Variants in TMEM14C observed in about 807,000 individuals in gnomAD.
TMEM14C encodes the protein chromosome 6 open reading frame 53.
Under a neutral mutation model 14.8 loss-of-function variants are expected in TMEM14C, and 13 were observed. That is an observed-to-expected ratio of 0.88 (90% CI 0.57 to 1.40). TMEM14C has a LOEUF of 1.40. TMEM14C is among the 40% of genes most tolerant of loss of function. The pLI is 0.00. For synonymous variants in TMEM14C, 57 were observed against 51.3 expected, an observed-to-expected ratio of 1.11 and a Z score of -0.48; for missense variants, 142 against 138.8, an observed-to-expected ratio of 1.02 and a Z score of -0.12.
chr6:10,726,729 A>G (rs1269487677), intron 4 of TMEM14C, among the ~76,000 whole-genome samples: 1 of 152,200 alleles, frequency 6.6e-6, no homozygotes, highest in African/African-American at 2.4e-5. Flanking sequence ...AGGACTGGAA[A>G]GGTACCCTGT....
At chr6:10,726,810 T>G (rs950024902) in intron 4 of TMEM14C, among the ~76,000 whole-genome samples, 1 of 152,214 alleles carries the variant, frequency 6.6e-6, no homozygotes. Flanking sequence ...TCAGTACATT[T>G]CTGTGGGGCT....
chr6:10,723,845 C>T (rs1299977998), intron 1 of TMEM14C, among the ~76,000 whole-genome samples: 2 of 152,156 alleles, frequency 1.3e-5, no homozygotes, highest in African/African-American at 4.8e-5. Flanking sequence ...CCCAGGTGAT[C>T]CGCCCGCCTC....
At chr6:10,724,815 A>T in intron 2 of TMEM14C, 146 bp from the exon 3 acceptor site, 1 of 1,307,762 alleles carries the variant, frequency 7.6e-7, no homozygotes, top group Non-Finnish European at 1.1e-6. Context: ...GAGTTGTGTG[A>T]CTCTCAGAAA....
At position 10,728,683 on chromosome 6, in the gene TMEM14C, C is replaced by T; in HGVS notation, c.243C>T (p.Tyr81=). 1 of 1,614,194 alleles carries T rather than the reference C, an allele frequency of 6.2e-7. No homozygotes were observed. The highest frequency in any genetic ancestry group is 8.5e-7 in the Non-Finnish European group (1 of 1,180,040). ...TLAGIMGMRF[Y]HSGKFMPAGL... ...CTGGCATTATGGGAATGAGGTTCTACCACTCTGGAAAATTCATGCCTGCAG... is the reference window on the plus strand; with the variant it reads ...CTGGCATTATGGGAATGAGGTTCTATCACTCTGGAAAATTCATGCCTGCAG... Residue 81 remains tyrosine (Y), a synonymous_variant, in exon 5 of 6, where the codon TAC becomes TAT. Transcript: ENST00000229563.
chr6:10,730,419 A>G (rs1315760637), intron 5 of TMEM14C, among the ~76,000 whole-genome samples, 196 bp from the exon 6 acceptor site: 2 of 152,222 alleles, frequency 1.3e-5, no homozygotes, highest in Admixed American at 6.5e-5. Flanking sequence ...GATCCAGCTC[A>G]TGTGTGCTAT....
Position 10,731,102 on chromosome 6 carries a change from A to G in TMEM14C, c.*436A>G, listed in dbSNP as rs1396679111. 1 of 984,628 alleles carries G rather than the reference A, an allele frequency of 1.0e-6. No individual in the cohort carries two copies. The highest frequency in any genetic ancestry group is 1.2e-6 in the Non-Finnish European group (1 of 829,194). The allele number at this position is 984,628 out of a possible 1,614,324, so 61.0% of individuals were successfully genotyped here. A position where few individuals can be genotyped will look rare whatever the true frequency, so the allele number is the denominator to read the frequency against. On this transcript the variant is annotated 3_prime_UTR_variant, in exon 6 of 6. Transcript: ENST00000229563. Reference sequence around the variant, plus strand: ...TGAAATTATGTTAAGTGAAATATCAATGAAAATAAAGTTTACTATAAATAA... The same window carrying G: ...TGAAATTATGTTAAGTGAAATATCAGTGAAAATAAAGTTTACTATAAATAA...
rs746715611 is a variant in TMEM14C at position 10,730,645 on chromosome 6, T to C, written c.318T>C (p.Ser106=). 1 of 1,612,386 alleles carries C rather than the reference T, an allele frequency of 6.2e-7. No homozygotes were observed. The highest frequency in any genetic ancestry group is 1.1e-5 in the South Asian group (1 of 90,950). Residue 106 remains serine (S), a synonymous_variant, in exon 6 of 6, where the codon AGT becomes AGC. Coordinates refer to ENST00000229563, the MANE Select transcript of TMEM14C (RefSeq NM_016462.4). The part of the protein sequence containing the change: ...SLLMVAKVGV[S]MFNRPH ...TGATGGTCGCCAAAGTTGGAGTTAG[T>C]ATGTTCAACAGACCCCATTAGCAGA...
At chr6:10,725,804 A>T in intron 3 of TMEM14C, 103 bp from the exon 4 acceptor site, 1 of 1,403,314 alleles carries the variant, frequency 7.1e-7, no homozygotes, top group Non-Finnish European at 9.9e-7. Context: ...CTGTGTTGAG[A>T]GTTCTCTGTG....
In TMEM14C at chr6:10,723,986, T is replaced by C. The variant is rs148940830; in HGVS notation, c.-44-584T>C. Among the ~76,000 whole-genome samples, 1,272 of 152,222 alleles carry C rather than the reference T, an allele frequency of 8.4e-3. 17 individuals are homozygous for C. Among genetic ancestry groups the C allele is most frequent in the African/African-American group, 0.028 (1,163 of 41,528 alleles). ...ACACAGGATACTTTCTGTAAGAAAA[T>C]AGAAGCTGTTTTTCCAAGGGTGTAG... On this transcript the variant is annotated intron_variant, in intron 1 of 5. Transcript: ENST00000229563.
intron 4 of TMEM14C, among the ~76,000 whole-genome samples, chr6:10,727,235 C>G (rs571993307): frequency 2.6e-5 from 4 of 152,244 alleles, no homozygotes; most frequent in Admixed American, 6.5e-5. Context: ...TCTCCCTGAT[C>G]TTCTCCAGAC....
At position 10,723,591 on chromosome 6, in the gene TMEM14C, A is replaced by ATTTT. The variant is rs1192658275; in HGVS notation, c.-45+352_-45+353insTTTT. ...CCCTTCCCTGTTTTATGGAAACTTA[A>ATTTT]TTCTTTTTTTTTTTTTTTTTGTCCT... On this transcript the variant is annotated intron_variant, in intron 1 of 5. Transcript: ENST00000229563. Among the ~76,000 whole-genome samples, 423 of 97,928 alleles carry ATTTT rather than the reference A, an allele frequency of 4.3e-3. 3 individuals are homozygous for ATTTT. Among genetic ancestry groups the ATTTT allele is most frequent in the African/African-American group, 0.019 (403 of 20,856 alleles). The allele number at this position is 97,928 out of a possible 152,430, so 64.2% of individuals were successfully genotyped here.
intron 5 of TMEM14C, among the ~76,000 whole-genome samples, chr6:10,730,410 A>G (rs570899338): frequency 1.3e-4 from 20 of 152,218 alleles, no homozygotes; most frequent in Admixed American, 3.9e-4. Context: ...TTGGGTTAGG[A>G]TCCAGCTCAT....
In TMEM14C at chr6:10,724,880, T is replaced by C; in HGVS notation, c.21-81T>C. On this transcript the variant is annotated intron_variant, in intron 2 of 5. Transcript: ENST00000229563. ...AGTGATAGGACCTGTGGGGAATGAT[T>C]ACCTTTTAGTCCCATCCTATGACAG... is the stretch of plus-strand genomic sequence containing the variant. 3.9e-6 allele frequency: 6 copies of C among 1,533,048 alleles called. No individual in the cohort carries two copies. The South Asian group carries it at 6.7e-5, about 17-fold the overall frequency. The allele number at this position is 1,533,048 out of a possible 1,614,324, so 95.0% of individuals were successfully genotyped here.
At chr6:10,726,666 G>C (rs1186781105) in intron 4 of TMEM14C, among the ~76,000 whole-genome samples, 3 of 152,194 alleles carry the variant, frequency 2.0e-5, no homozygotes, top group Non-Finnish European at 4.4e-5. Flanking sequence ...ACTCCAGCCT[G>C]GGCGACAGAG....
At chr6:10,730,428 A>G (rs1056150982) in intron 5 of TMEM14C, among the ~76,000 whole-genome samples, 187 bp from the exon 6 acceptor site, 1 of 152,114 alleles carries the variant, frequency 6.6e-6, no homozygotes, top group African/African-American at 2.4e-5. Flanking sequence ...CATGTGTGCT[A>G]TTTTAAGACT....
Position 10,725,012 on chromosome 6 carries a change from T to A in TMEM14C, c.72T>A (p.Gly24=). The A allele has an allele frequency of 1.9e-6, 3 of 1,614,242 alleles. No individual in the cohort carries two copies. Among genetic ancestry groups the A allele is most frequent in the Non-Finnish European group, 2.5e-6 (3 of 1,180,048 alleles). Residue 24 remains glycine, a synonymous_variant, in exon 3 of 6, where the codon GGT becomes GGA. Coordinates refer to ENST00000229563, the MANE Select transcript of TMEM14C (RefSeq NM_016462.4). ...GFGYAALVAS[G]GIIGYVKAGS... ...GCTACGCAGCACTGGTTGCTTCTGG[T>A]GGGATCATTGGCTATGTAAAAGCAG...
At chr6:10,727,516 T>C (rs1331393392) in intron 4 of TMEM14C, among the ~76,000 whole-genome samples, 1 of 152,026 alleles carries the variant, frequency 6.6e-6, no homozygotes, top group African/African-American at 2.4e-5. Context: ...TTTTTCTATT[T>C]TTAGTAGAGA....
At chr6:10,728,963 C>A in intron 5 of TMEM14C, 1 of 905,330 alleles carries the variant, frequency 1.1e-6, no homozygotes, top group East Asian at 2.9e-5. Flanking sequence ...CTTTCCAGTC[C>A]ATCCAAACTC....
At position 10,725,920 on chromosome 6, in the gene TMEM14C, C is replaced by T. The variant is rs552863027; in HGVS notation, c.111C>T (p.Ser37=). 5.6e-6 allele frequency: 9 copies of T among 1,613,906 alleles called. No homozygotes were observed. In the South Asian group the frequency reaches 9.9e-5, roughly 18 times the overall value. Residue 37 remains serine (S), a synonymous_variant, in exon 4 of 6, where the codon TCC becomes TCT. Transcript: ENST00000229563. ...IGYVKAGSVP[S]LAAGLLFGSL... ...GCTTCCCTCTAGGCAGCGTGCCGTC[C>T]CTGGCTGCAGGGCTGCTCTTTGGCA...
Sources: allele counts gnomAD v4.1 joint callset (sites outside exome capture counted in the v4.1 genomes callset), GRCh38; gene constraint gnomAD v4.1.1; transcripts MANE v1.5; gene names NCBI Gene and HGNC (gene_info 2026-07-23, HGNC 2026-07-21).